BHLHE41: variants seen among roughly 807,000 people sequenced by gnomAD.
The protein encoded by BHLHE41 is basic helix-loop-helix family member e41, also known as class E basic helix-loop-helix protein 41.
Under a neutral mutation model 24.0 loss-of-function variants are expected in BHLHE41, and 14 were observed. That is an observed-to-expected ratio of 0.58 (90% CI 0.39 to 0.91). The LOEUF is 0.91. Ranked by LOEUF, BHLHE41 falls within the 40% of genes least tolerant of loss-of-function variation. The probability of loss-of-function intolerance (pLI) is 0.00; values close to 1 mark genes in which losing one functional copy is unlikely to be tolerated. For synonymous variants in BHLHE41, 394 were observed against 315.5 expected, an observed-to-expected ratio of 1.25 and a Z score of -2.64; for missense variants, 674 against 655.4, an observed-to-expected ratio of 1.03 and a Z score of -0.31.
chr12:26,124,910 G>A lies in BHLHE41; in HGVS notation c.-131C>T. ...CTCTCTCTCGCTCTCCCTCTTCAGT[G>A]CAGTGTTGAAAGTGTGAAGCAGTTG... On this transcript the variant is annotated 5_prime_UTR_variant, in exon 1 of 5. Transcript: ENST00000242728. 1.1e-6 allele frequency: 1 copy of A among 937,008 alleles called. No homozygotes were observed. Among genetic ancestry groups the A allele is most frequent in the Non-Finnish European group, 1.7e-6 (1 of 578,726 alleles). 58.0% of individuals were successfully genotyped at this position (937,008 alleles called of 1,614,324 possible).
In BHLHE41 at chr12:26,122,462, G is replaced by A; in HGVS notation, c.1053C>T (p.Phe351=). The change falls in exon 5 of 5, where the codon TTC becomes TTT. Residue 351 remains phenylalanine, a synonymous_variant. Transcript: ENST00000242728. ...CAGCTGCAGAAGGCGAGAGGAAGCA[G>A]AAGGGCAGGCAGAAGGGGGCCGCGG... ...AAAAAPFCLP[F]CFLSPSAAAA... is the part of the protein sequence containing the mutation. The A allele has an allele frequency of 7.4e-7, 1 of 1,353,842 alleles. No individual in the cohort carries two copies. Among genetic ancestry groups the A allele is most frequent in the South Asian group, 1.6e-5 (1 of 61,258 alleles). 83.9% of individuals were successfully genotyped at this position (1,353,842 alleles called of 1,614,324 possible).
At position 26,122,127 on chromosome 12, in the gene BHLHE41, G is replaced by C. The variant is rs1458737039; in HGVS notation, c.1388C>G (p.Pro463Arg). The change falls in exon 5 of 5, where the codon CCG becomes CGG. Residue 463 changes from proline (P) to arginine (R), a missense_variant. Pro to Arg is a moderately radical substitution (Grantham distance 103). Around this residue, in one of 3 missense-constraint regions of BHLHE41, gnomAD observed 602 missense variants for 570.8 expected, o/e 1.05. Transcript: ENST00000242728. ...THLPFAGPRE[P>R]GNPESSAQED... ...CTGAGCAGAGCTCTCCGGGTTCCCC[G>C]GCTCGCGGGGCCCGGCGAAGGGCAG... The C allele has an allele frequency of 9.7e-6, 15 of 1,549,106 alleles. No individual in the cohort carries two copies. Among genetic ancestry groups the C allele is most frequent in the Non-Finnish European group, 9.6e-6 (11 of 1,146,418 alleles).
rs1048155 is a variant in BHLHE41 at position 26,120,155 on chromosome 12, C to G, written c.*1911G>C. The G allele has an allele frequency of 0.49, 74,880 of 152,302 alleles. 21,011 individuals carry two copies. Among genetic ancestry groups the G allele is most frequent in the East Asian group, 0.78 (4,027 of 5,170 alleles). 9.4% of individuals were successfully genotyped at this position (152,302 alleles called of 1,614,324 possible). A position where few individuals can be genotyped will look rare whatever the true frequency, so the allele number is the denominator to read the frequency against. On this transcript the variant is annotated 3_prime_UTR_variant, in exon 5 of 5. Transcript: ENST00000242728. ...ACATCAAGCCAATGACAAAAAAAAG[C>G]TGTAAATCTGAGAACTGTAGTGATT...
In BHLHE41 at chr12:26,121,837, G is replaced by A. The variant is rs943013801; in HGVS notation, c.*229C>T. Reference sequence around the variant, plus strand: ...TTTTACAGCTGGTGGGGGGAAGAAAGGGATGTTAGTGTGTGGAGGGTGGGG... The same window carrying A: ...TTTTACAGCTGGTGGGGGGAAGAAAAGGATGTTAGTGTGTGGAGGGTGGGG... On this transcript the variant is annotated 3_prime_UTR_variant, in exon 5 of 5. Coordinates refer to ENST00000242728, the MANE Select transcript of BHLHE41 (RefSeq NM_030762.3). 3.1e-6 allele frequency: 3 copies of A among 983,346 alleles called. No individual in the cohort carries two copies. Among genetic ancestry groups the A allele is most frequent in the Admixed American group, 2.9e-5 (1 of 35,052 alleles). The allele number at this position is 983,346 out of a possible 1,614,324, so 60.9% of individuals were successfully genotyped here.
In BHLHE41 at chr12:26,124,455, G is replaced by C. The variant is rs990223225; in HGVS notation, c.126+64C>G. On this transcript the variant is annotated intron_variant, in intron 2 of 4. Coordinates refer to ENST00000242728, the MANE Select transcript of BHLHE41 (RefSeq NM_030762.3). Reference sequence around the variant, plus strand: ...ATATTTGCGGGCAGAGCTTCACTGTGAAATCAATGGCTCTAATTAACTACC... The same window carrying C: ...ATATTTGCGGGCAGAGCTTCACTGTCAAATCAATGGCTCTAATTAACTACC... The C allele has an allele frequency of 6.5e-6, 10 of 1,533,138 alleles. No individual in the cohort carries two copies. The African/African-American group carries it at 1.4e-4, about 21-fold the overall frequency. The allele number at this position is 1,533,138 out of a possible 1,614,324, so 95.0% of individuals were successfully genotyped here.
In BHLHE41 at chr12:26,120,950, A is replaced by G. The variant is rs926624034; in HGVS notation, c.*1116T>C. ...GGAAGGCCTCACAGGACTTCATTCT[A>G]TATCTTTACAGCATTTGCAATCAAA... On this transcript the variant is annotated 3_prime_UTR_variant, in exon 5 of 5. Transcript: ENST00000242728. The G allele has an allele frequency of 6.5e-6, 1 of 152,790 alleles. No individual in the cohort carries two copies. Among genetic ancestry groups the G allele is most frequent in the South Asian group, 2.1e-4 (1 of 4,828 alleles). The allele number at this position is 152,790 out of a possible 1,614,324, so 9.5% of individuals were successfully genotyped here.
At chr12:26,124,262 G>GCCCCCCCCCCA (rs1008727296) in intron 2 of BHLHE41, 83 bp from the exon 3 acceptor site, 1 of 541,666 alleles carries the variant, frequency 1.8e-6, no homozygotes, top group Non-Finnish European at 2.9e-6. Context: ...TGCCCCCCCC[G>GCCCCCCCCCCA]CCCCCCCACC....
At position 26,124,551 on chromosome 12, in the gene BHLHE41, G is replaced by A; in HGVS notation, c.94C>T (p.Pro32Ser). 6.2e-7 allele frequency: 1 copy of A among 1,614,078 alleles called. No individual in the cohort carries two copies. The highest frequency in any genetic ancestry group is 8.5e-7 in the Non-Finnish European group (1 of 1,180,012). Reference protein sequence around the residue: ...LDYSSLYMCKPKRSMKRDDTK... With the variant: ...LDYSSLYMCKSKRSMKRDDTK... ...TCGTCTCGTTTCATGCTCCTTTTGG[G>A]TTTACACATATACAAAGAGGAATAG... The change falls in exon 2 of 5, where the codon CCC becomes TCC. Residue 32 changes from proline to serine, a missense_variant. Pro to Ser is a moderately conservative substitution (Grantham distance 74). Transcript: ENST00000242728.
chr12:26,122,091 G>A lies in BHLHE41; in HGVS notation c.1424C>T (p.Ser475Leu), dbSNP rs905054948. Residue 475 changes from serine to leucine, a missense_variant, in exon 5 of 5, where the codon TCG becomes TTG. Ser to Leu is a moderately radical substitution (Grantham distance 145). Around this residue, in one of 3 missense-constraint regions of BHLHE41, gnomAD observed 602 missense variants for 570.8 expected, o/e 1.05. Coordinates refer to ENST00000242728, the MANE Select transcript of BHLHE41 (RefSeq NM_030762.3). Reference protein sequence around the residue: ...NPESSAQEDPSQPGKEAP With the variant: ...NPESSAQEDPLQPGKEAP ...TCAGGGAGCTTCCTTTCCTGGCTGC[G>A]AGGGATCTTCCTGAGCAGAGCTCTC... 5 of 1,549,848 alleles carry A rather than the reference G, an allele frequency of 3.2e-6. No homozygotes were observed. The highest frequency in any genetic ancestry group is 1.7e-4 in the Middle Eastern group (1 of 5,970).
Position 26,122,997 on chromosome 12 carries a change from A to T in BHLHE41, c.518T>A (p.Phe173Tyr). 6.4e-7 allele frequency: 1 copy of T among 1,567,042 alleles called. No individual in the cohort carries two copies. Among genetic ancestry groups the T allele is most frequent in the South Asian group, 1.2e-5 (1 of 85,262 alleles). ...INHLHAVATQ[F>Y]LPTPQLLTQQ... ...AGTCAACAGCTGCGGGGTGGGCAAG[A>T]ACTGGGTGGCCACGGCGTGCAAGTG... is the stretch of plus-strand genomic sequence containing the variant. The change falls in exon 5 of 5, where the codon TTC (phenylalanine) becomes TAC (tyrosine). Residue 173 changes from phenylalanine to tyrosine, a missense_variant. Physicochemically the swap from Phe to Tyr is conservative, Grantham distance 22 (BLOSUM62 3). This residue lies in a region of BHLHE41 where 602 missense variants were observed against 570.8 expected (regional missense o/e 1.05). Transcript: ENST00000242728.
At chr12:26,123,287 T>G in intron 4 of BHLHE41, 119 bp from the exon 5 acceptor site, 19 of 1,307,052 alleles carry the variant, frequency 1.5e-5, no homozygotes, top group Non-Finnish European at 1.8e-5. Context: ...ATCTCGGTTT[T>G]TCCCCAGTAT....
At chr12:26,124,686 G>A (rs1944347336) in intron 1 of BHLHE41, 32 bp downstream of exon 1, 1 of 1,613,560 alleles carries the variant, frequency 6.2e-7, no homozygotes, top group Non-Finnish European at 8.5e-7. Context: ...CCAAAGCCTA[G>A]ACAGATATTC....
Position 26,122,454 on chromosome 12 carries a change from A to G in BHLHE41, c.1061T>C (p.Leu354Pro). The change falls in exon 5 of 5, where the codon CTC (leucine) becomes CCC (proline). Residue 354 changes from leucine (L) to proline (P), a missense_variant. Leu to Pro is a moderately conservative substitution (Grantham distance 98). Coordinates refer to ENST00000242728, the MANE Select transcript of BHLHE41 (RefSeq NM_030762.3). The stretch of plus-strand genomic sequence containing the variant: ...GTAGGCGGCAGCTGCAGAAGGCGAG[A>G]GGAAGCAGAAGGGCAGGCAGAAGGG... Reference protein sequence around the residue: ...AAPFCLPFCFLSPSAAAAYVQ... With the variant: ...AAPFCLPFCFPSPSAAAAYVQ... 1 of 1,354,018 alleles carries G rather than the reference A, an allele frequency of 7.4e-7. No homozygotes were observed. The highest frequency in any genetic ancestry group is 9.6e-7 in the Non-Finnish European group (1 of 1,043,328). The allele number at this position is 1,354,018 out of a possible 1,614,324, so 83.9% of individuals were successfully genotyped here. A position where few individuals can be genotyped will look rare whatever the true frequency, so the allele number is the denominator to read the frequency against.
In BHLHE41 at chr12:26,122,392, A is replaced by G; in HGVS notation, c.1123T>C (p.Tyr375His). 8.0e-7 allele frequency: 1 copy of G among 1,256,938 alleles called. No homozygotes were observed. Among genetic ancestry groups the G allele is most frequent in the Non-Finnish European group, 1.0e-6 (1 of 993,762 alleles). The allele number at this position is 1,256,938 out of a possible 1,614,324, so 77.9% of individuals were successfully genotyped here. A position where few individuals can be genotyped will look rare whatever the true frequency, so the allele number is the denominator to read the frequency against. The stretch of plus-strand genomic sequence containing the variant: ...GCGGCAGCCGCCGCCGGGTACAGAT[A>G]CTTCTCCAGGCCGCTCTTGTCCAGG... ...PFLDKSGLEK[Y>H]LYPAAAAAPF... The change falls in exon 5 of 5, where the codon TAT becomes CAT. Residue 375 changes from tyrosine (Y) to histidine (H), a missense_variant. Tyr to His is a moderately conservative substitution (Grantham distance 83). Transcript: ENST00000242728.
Position 26,120,247 on chromosome 12 carries a change from G to A in BHLHE41, c.*1819C>T, listed in dbSNP as rs1243586101. The A allele has an allele frequency of 6.6e-6, 1 of 152,532 alleles. No homozygotes were observed. Among genetic ancestry groups the A allele is most frequent in the African/African-American group, 2.4e-5 (1 of 41,398 alleles). The allele number at this position is 152,532 out of a possible 1,614,324, so 9.4% of individuals were successfully genotyped here. ...TCCATTATGTCTTTTTTAATTATTA[G>A]ACAATATCATATCGTATATTAAAGT... On this transcript the variant is annotated 3_prime_UTR_variant, in exon 5 of 5. Transcript: ENST00000242728.
In BHLHE41 at chr12:26,120,908, A is replaced by G. The variant is rs971947571; in HGVS notation, c.*1158T>C. ...GTATCTGGTTTGGTCTCCAGAAAAT[A>G]CATAGACTTGGAGATAGGAAGGCCT... On this transcript the variant is annotated 3_prime_UTR_variant, in exon 5 of 5. Coordinates refer to ENST00000242728, the MANE Select transcript of BHLHE41 (RefSeq NM_030762.3). The G allele has an allele frequency of 6.5e-6, 1 of 152,674 alleles. No homozygotes were observed. Among genetic ancestry groups the G allele is most frequent in the Non-Finnish European group, 1.5e-5 (1 of 68,030 alleles). The allele number at this position is 152,674 out of a possible 1,614,324, so 9.5% of individuals were successfully genotyped here.
At position 26,122,109 on chromosome 12, in the gene BHLHE41, G is replaced by C; in HGVS notation, c.1406C>G (p.Ser469Cys). Reference protein sequence around the residue: ...GPREPGNPESSAQEDPSQPGK... With the variant: ...GPREPGNPESCAQEDPSQPGK... Reference sequence around the variant, plus strand: ...TGGCTGCGAGGGATCTTCCTGAGCAGAGCTCTCCGGGTTCCCCGGCTCGCG... The same window carrying C: ...TGGCTGCGAGGGATCTTCCTGAGCACAGCTCTCCGGGTTCCCCGGCTCGCG... The change falls in exon 5 of 5, where the codon TCT (serine) becomes TGT (cysteine). Residue 469 changes from serine to cysteine, a missense_variant. This residue lies in a region of BHLHE41 where 602 missense variants were observed against 570.8 expected (regional missense o/e 1.05). Coordinates refer to ENST00000242728, the MANE Select transcript of BHLHE41 (RefSeq NM_030762.3). 6.5e-7 allele frequency: 1 copy of C among 1,549,672 alleles called. No individual in the cohort carries two copies. The highest frequency in any genetic ancestry group is 8.7e-7 in the Non-Finnish European group (1 of 1,146,590).
Position 26,124,174 on chromosome 12 carries a change from G to A in BHLHE41, c.132C>T (p.Thr44=), listed in dbSNP as rs931905067. The change falls in exon 3 of 5, where the codon ACC becomes ACT. Residue 44 remains threonine (T), a synonymous_variant. Coordinates refer to ENST00000242728, the MANE Select transcript of BHLHE41 (RefSeq NM_030762.3). Reference sequence around the variant, plus strand: ...CTATTAATCTGTGCGGTAATTTGTAGGTATCCTTAATATATGAGAGTCATG... The same window carrying A: ...CTATTAATCTGTGCGGTAATTTGTAAGTATCCTTAATATATGAGAGTCATG... ...RSMKRDDTKD[T]YKLPHRLIEK... is the part of the protein sequence containing the mutation. 13 of 1,589,796 alleles carry A rather than the reference G, an allele frequency of 8.2e-6. No individual in the cohort carries two copies. The highest frequency in any genetic ancestry group is 8.6e-6 in the Non-Finnish European group (10 of 1,159,186).
intron 4 of BHLHE41, 80 bp downstream of exon 4, chr12:26,123,550 G>T: frequency 1.0e-6 from 1 of 955,182 alleles, no homozygotes; most frequent in South Asian, 1.3e-5. Flanking sequence ...GATGGGGTGC[G>T]GGTGAGGGAG....
Sources: gnomAD v4.1 joint callset for allele counts on GRCh38, gnomAD v4.1.1 for gene constraint, gnomAD v4.1.1 regional missense constraint, MANE v1.5 for transcripts, NCBI Gene and HGNC (gene_info 2026-07-23, HGNC 2026-07-21) for gene names.